RFX4: variants seen among roughly 807,000 people sequenced by gnomAD.
RFX4 encodes regulatory factor X4, also known as transcription factor RFX4.
Under a neutral mutation model 95.0 loss-of-function variants are expected in RFX4, and 10 were observed. That is an observed-to-expected ratio of 0.11 (90% confidence interval 0.06 to 0.18). The LOEUF (loss-of-function observed/expected upper bound fraction) is 0.18, where lower values mean the gene tolerates loss of function less well. Among genes scored for constraint, RFX4 ranks in the 10% least tolerant of loss-of-function variants. The pLI is 1.00. For synonymous variants in RFX4, 321 were observed against 340.7 expected (o/e 0.94, Z 0.64); for missense variants, 640 against 922.0 (o/e 0.69, Z 3.96).
In RFX4 at chr12:106,761,490, A is replaced by G. The variant is rs751159846; in HGVS notation, c.*21A>G. ...AATGACTGCTATCATAGGCATCCAT[A>G]TTTAATATTAATAATAATAATTAAT... On this transcript the variant is annotated 3_prime_UTR_variant, in exon 18 of 18. Transcript: ENST00000392842. 1.8e-5 allele frequency: 26 copies of G among 1,438,296 alleles called. No homozygotes were observed. Among genetic ancestry groups the G allele is most frequent in the Non-Finnish European group, 2.4e-5 (26 of 1,090,470 alleles). 89.1% of individuals were successfully genotyped at this position (1,438,296 alleles called of 1,614,324 possible). A position where few individuals can be genotyped will look rare whatever the true frequency, so the allele number is the denominator to read the frequency against.
intron 4 of RFX4, among the ~76,000 whole-genome samples, chr12:106,656,034 G>A (rs952591612): frequency 6.6e-6 from 1 of 152,092 alleles, no homozygotes; most frequent in Non-Finnish European, 1.5e-5. Context: ...AACTACTTTT[G>A]TAACCCTATT....
At chr12:106,752,355 C>T (rs2043023416) in intron 17 of RFX4, among the ~76,000 whole-genome samples, 2 of 152,166 alleles carry the variant, frequency 1.3e-5, no homozygotes, top group East Asian at 1.9e-4. Flanking sequence ...GTCTTTTCAT[C>T]AGTGTCATTT....
intron 7 of RFX4, chr12:106,693,117 G>A: frequency 2.3e-6 from 1 of 443,100 alleles, no homozygotes; most frequent in South Asian, 1.6e-5. Context: ...GGGAAACACT[G>A]CATCTGTCCA....
At chr12:106,736,948 C>G (rs974947401) in intron 15 of RFX4, among the ~76,000 whole-genome samples, 1 of 151,974 alleles carries the variant, frequency 6.6e-6, no homozygotes, top group Admixed American at 6.6e-5. Flanking sequence ...ACTCTAAAAG[C>G]CTTAAAGAGC....
chr12:106,588,055 C>T (rs1027513012), intron 1 of RFX4, among the ~76,000 whole-genome samples: 6 of 152,174 alleles, frequency 3.9e-5, no homozygotes, highest in Non-Finnish European at 7.3e-5. Flanking sequence ...ACAAGGTAGA[C>T]ATTTCCCTCT....
chr12:106,614,167 CTT>C (rs952770146), intron 2 of RFX4, among the ~76,000 whole-genome samples: 1 of 146,394 alleles, frequency 6.8e-6, no homozygotes, highest in Non-Finnish European at 1.5e-5. Context: ...CTCTTCATGT[CTT>C]TTTTTTTTTG....
Position 106,617,232 on chromosome 12 carries a change from T to G in RFX4, c.130+8349T>G, listed in dbSNP as rs74507308. ...TTGTTGTTTTTCTCAATTTATATCT[T>G]TTAAGAATTGCATTCATTTCTGCTC... is the stretch of plus-strand genomic sequence containing the variant. On this transcript the variant is annotated intron_variant, in intron 2 of 17. Transcript: ENST00000392842. 6.4e-4 allele frequency among the ~76,000 whole-genome samples: 97 copies of G among 152,288 alleles called. 2 individuals are homozygous for G. The East Asian group carries it at 0.018, about 28-fold the overall frequency.
Position 106,583,185 on chromosome 12 carries a change from G to C in RFX4, c.-136G>C, listed in dbSNP as rs1054795547. The C allele has an allele frequency of 4.4e-6, 3 of 677,410 alleles. No individual in the cohort carries two copies. The African/African-American group carries it at 5.8e-5, about 13-fold the overall frequency. 42.0% of individuals were successfully genotyped at this position (677,410 alleles called of 1,614,324 possible). A position where few individuals can be genotyped will look rare whatever the true frequency, so the allele number is the denominator to read the frequency against. ...TCTTTTCCTTTCCTCCTTTATCCTTGTGCCCCCTCACTTTCTGCGTCTCTC... is the reference window on the plus strand; with the variant it reads ...TCTTTTCCTTTCCTCCTTTATCCTTCTGCCCCCTCACTTTCTGCGTCTCTC... On this transcript the variant is annotated 5_prime_UTR_variant, in exon 1 of 18. Coordinates refer to ENST00000392842, the MANE Select transcript of RFX4 (RefSeq NM_213594.3).
intron 15 of RFX4, among the ~76,000 whole-genome samples, chr12:106,740,079 T>C (rs567562015): frequency 2.0e-5 from 3 of 152,342 alleles, no homozygotes; most frequent in Non-Finnish European, 2.9e-5. Context: ...AAAAGTTAAC[T>C]ATTAAACTCA....
intron 3 of RFX4, among the ~76,000 whole-genome samples, chr12:106,653,159 C>A (rs1345852421): frequency 1.3e-5 from 2 of 152,154 alleles, no homozygotes; most frequent in Non-Finnish European, 2.9e-5. Context: ...AGGTATTTAA[C>A]TTTCCAGAGT....
intron 10 of RFX4, among the ~76,000 whole-genome samples, chr12:106,712,439 C>T (rs1240770912): frequency 1.3e-5 from 2 of 152,180 alleles, no homozygotes; most frequent in African/African-American, 4.8e-5. Context: ...CTGAATGTCA[C>T]CTGCCTGCCC....
chr12:106,756,751 C>T (rs1022383537), intron 17 of RFX4, among the ~76,000 whole-genome samples: 6 of 152,028 alleles, frequency 3.9e-5, no homozygotes, highest in African/African-American at 1.2e-4. Flanking sequence ...TAATAAAGGT[C>T]GGAACAGGGC....
At chr12:106,608,683 C>G (rs1271834404) in intron 1 of RFX4, 114 bp from the exon 2 acceptor site, 7 of 965,204 alleles carry the variant, frequency 7.3e-6, no homozygotes, top group Non-Finnish European at 1.0e-5. Context: ...TATTGATGAG[C>G]ATTTAAATCT....
chr12:106,664,514 T>C (rs977179681), intron 4 of RFX4, among the ~76,000 whole-genome samples: 2 of 151,876 alleles, frequency 1.3e-5, no homozygotes, highest in Non-Finnish European at 3.0e-5. Context: ...CTTTTGATTT[T>C]ATTGATTTTC....
intron 1 of RFX4, among the ~76,000 whole-genome samples, chr12:106,597,260 A>G (rs74558948): frequency 0.1 from 15,816 of 151,694 alleles, 993 homozygotes; most frequent in Middle Eastern, 0.14. Context: ...TTTTTTTAAT[A>G]GGAAGGAAAT....
At chr12:106,722,927 G>A (rs1019398444) in intron 13 of RFX4, among the ~76,000 whole-genome samples, 4 of 152,192 alleles carry the variant, frequency 2.6e-5, no homozygotes, top group African/African-American at 7.2e-5. Context: ...AGAGCCCTCT[G>A]TTCCTTGGTC....
intron 1 of RFX4, among the ~76,000 whole-genome samples, chr12:106,606,561 T>G (rs2039837849): frequency 1.3e-5 from 2 of 152,184 alleles, no homozygotes; most frequent in African/African-American, 4.8e-5. Flanking sequence ...ACCTTGTGCA[T>G]CCCAGCTTTG....
chr12:106,705,243 C>G (rs1251743420), intron 8 of RFX4, among the ~76,000 whole-genome samples: 1 of 152,190 alleles, frequency 6.6e-6, no homozygotes, highest in Non-Finnish European at 1.5e-5. Flanking sequence ...AAGGTAACTG[C>G]TGTTATCACC....
chr12:106,621,477 C>A lies in RFX4; in HGVS notation c.130+12594C>A, dbSNP rs147424806. On this transcript the variant is annotated intron_variant, in intron 2 of 17. Coordinates refer to ENST00000392842, the MANE Select transcript of RFX4 (RefSeq NM_213594.3). ...GCCTTTCTGGGTTCACTGCTGAAAG[C>A]ACTGGGTGTTTACCGACTTCCCTTT... Among the ~76,000 whole-genome samples, 412 of 152,318 alleles carry A rather than the reference C, an allele frequency of 2.7e-3. 1 individual carries two copies. Among genetic ancestry groups the A allele is most frequent in the African/African-American group, 9.4e-3 (389 of 41,572 alleles).
Sources: allele counts gnomAD v4.1 joint callset (sites outside exome capture counted in the v4.1 genomes callset), GRCh38; gene constraint gnomAD v4.1.1; transcripts MANE v1.5; gene names NCBI Gene and HGNC (gene_info 2026-07-23, HGNC 2026-07-21).